The following NEDD1 variants were observed in gnomAD, a reference collection of about 807,000 sequenced individuals.
NEDD1 encodes the protein NEDD1 gamma-tubulin ring complex targeting factor, also known as protein NEDD1.
Under a neutral mutation model 74.0 loss-of-function variants are expected in NEDD1, and 33 were observed. The ratio of observed to expected loss-of-function variants is 0.45; its 90% CI spans 0.34 to 0.60. The LOEUF (loss-of-function observed/expected upper bound fraction) is 0.60, where lower values mean the gene tolerates loss of function less well. Among genes scored for constraint, NEDD1 ranks in the 20% least tolerant of loss-of-function variants. NEDD1 has a pLI of 0.01. For missense variants in NEDD1, 746 were observed against 776.5 expected, an observed-to-expected ratio of 0.96 and a Z score of 0.47; for synonymous variants, 250 against 264.4, an observed-to-expected ratio of 0.95 and a Z score of 0.53.
intron 6 of NEDD1, among the ~76,000 whole-genome samples, chr12:96,921,235 A>G (rs974937818): frequency 2.0e-5 from 3 of 152,148 alleles, no homozygotes; most frequent in African/African-American, 7.2e-5. Context: ...AGGCTAGAGT[A>G]TAGTGGCGCA....
intron 1 of NEDD1, 146 bp downstream of exon 1, chr12:96,907,446 G>A: frequency 6.9e-6 from 4 of 575,686 alleles, no homozygotes; most frequent in Non-Finnish European, 1.2e-5. Flanking sequence ...CTGGGCGGGG[G>A]CGCGGCGGCG....
intron 6 of NEDD1, among the ~76,000 whole-genome samples, chr12:96,924,162 T>G (rs942484496): frequency 2.6e-5 from 4 of 152,214 alleles, no homozygotes; most frequent in African/African-American, 7.2e-5. Context: ...AATGCCTTCT[T>G]GCAAAACTGG....
At chr12:96,932,463 A>ATATAT (rs1555203252) in intron 6 of NEDD1, among the ~76,000 whole-genome samples, 2 of 9,436 alleles carry the variant, frequency 2.1e-4, no homozygotes, top group African/African-American at 3.4e-4. Context: ...AAAAAAAAAA[A>ATATAT]ATATATATAT....
intron 6 of NEDD1, among the ~76,000 whole-genome samples, chr12:96,921,529 GTTTC>G (rs1875092762): frequency 2.0e-5 from 3 of 152,020 alleles, no homozygotes; most frequent in Admixed American, 2.0e-4. Flanking sequence ...ACCATGGCCT[GTTTC>G]TTTGTCCTCA....
At chr12:96,915,765 T>C (rs749055968) in intron 4 of NEDD1, among the ~76,000 whole-genome samples, 3 of 152,222 alleles carry the variant, frequency 2.0e-5, no homozygotes, top group Non-Finnish European at 2.9e-5. Flanking sequence ...TGACAACATC[T>C]GTATTTTAGC....
intron 7 of NEDD1, among the ~76,000 whole-genome samples, chr12:96,935,889 C>T (rs1193500060): frequency 6.6e-6 from 1 of 152,166 alleles, no homozygotes; most frequent in Non-Finnish European, 1.5e-5. Context: ...TTACCACTGT[C>T]TGTAGATCAT....
rs769170285 is a variant in NEDD1, at chr12:96,940,423, A to T, written c.1132A>T (p.Ile378Leu). ...VQEKAGLPRSINTDTLSKETD... is the reference protein window; with the variant it reads ...VQEKAGLPRSLNTDTLSKETD... ...ATTCCTATAAGGTTTGCCTCGAAGC[A>T]TAAACACAGACACTTTATCTAAGGA... Residue 378 changes from isoleucine (I) to leucine (L), a missense_variant, in exon 10 of 16, where the codon ATA (isoleucine) becomes TTA (leucine). This residue lies in a region of NEDD1 where 706 missense variants were observed against 706.7 expected (regional missense o/e 1.00). Coordinates refer to ENST00000266742, the MANE Select transcript of NEDD1 (RefSeq NM_152905.4). 1 of 1,594,270 alleles carries T rather than the reference A, an allele frequency of 6.3e-7. No homozygotes were observed. The highest frequency in any genetic ancestry group is 8.6e-7 in the Non-Finnish European group (1 of 1,164,180).
chr12:96,935,191 C>G lies in NEDD1; in HGVS notation c.705C>G (p.Asp235Glu), dbSNP rs1417335034. Residue 235 changes from aspartate to glutamate, a missense_variant, in exon 7 of 16, where the codon GAC (aspartate) becomes GAG (glutamate). Physicochemically the swap from Asp to Glu is conservative, Grantham distance 45. Around this residue, in one of 3 missense-constraint regions of NEDD1, gnomAD observed 706 missense variants for 706.7 expected, o/e 1.00. Transcript: ENST00000266742. ...IGLDKRIILY[D>E]TSSKKLVKTL... ...TGGATAAAAGAATCATCCTCTATGA[C>G]ACTTCAAGTAAGAAGTAAGTGTGAC... is the stretch of plus-strand genomic sequence containing the variant. 1 of 1,570,538 alleles carries G rather than the reference C, an allele frequency of 6.4e-7. No individual in the cohort carries two copies.
At chr12:96,942,377 T>C (rs1477886286) in intron 10 of NEDD1, among the ~76,000 whole-genome samples, 200 bp from the exon 11 acceptor site, 1 of 152,110 alleles carries the variant, frequency 6.6e-6, no homozygotes, top group East Asian at 1.9e-4. Flanking sequence ...TATCTGTTCA[T>C]ATTTGCTGCT....
intron 9 of NEDD1, among the ~76,000 whole-genome samples, chr12:96,938,404 CT>C (rs1240000773): frequency 3.3e-5 from 5 of 151,932 alleles, no homozygotes; most frequent in Non-Finnish European, 7.4e-5. Flanking sequence ...GTTGAATTAA[CT>C]ATATTATGAA....
In NEDD1 at chr12:96,944,676, A is replaced by C; in HGVS notation, c.1535A>C (p.Asn512Thr). The change falls in exon 13 of 16, where the codon AAT (asparagine) becomes ACT (threonine). Residue 512 changes from asparagine to threonine, a missense_variant. By Grantham distance (65) the Asn-to-Thr change is moderately conservative (BLOSUM62 0). Coordinates refer to ENST00000266742, the MANE Select transcript of NEDD1 (RefSeq NM_152905.4). ...KLVTSGAESG[N>T]LNTSPSSNQT... is the part of the protein sequence containing the mutation. ...GTCACATCTGGTGCTGAAAGTGGAA[A>C]TCTAAATACCTCTCCATCATCTAAC... 1 of 1,601,734 alleles carries C rather than the reference A, an allele frequency of 6.2e-7. No homozygotes were observed. Among genetic ancestry groups the C allele is most frequent in the Non-Finnish European group, 8.5e-7 (1 of 1,173,082 alleles).
intron 10 of NEDD1, among the ~76,000 whole-genome samples, chr12:96,942,059 A>G (rs776080840): frequency 6.6e-6 from 1 of 152,182 alleles, no homozygotes; most frequent in Non-Finnish European, 1.5e-5. Context: ...TGAATATTAC[A>G]GGATTAAAAT....
At chr12:96,914,667 T>G (rs1444541504) in intron 4 of NEDD1, among the ~76,000 whole-genome samples, 7 of 152,168 alleles carry the variant, frequency 4.6e-5, no homozygotes, top group Non-Finnish European at 1.0e-4. Flanking sequence ...GAAAATAAAT[T>G]ATGATCTTAC....
intron 5 of NEDD1, 41 bp downstream of exon 5, chr12:96,917,778 C>G: frequency 1.3e-6 from 2 of 1,523,952 alleles, no homozygotes; most frequent in Non-Finnish European, 1.7e-6. Context: ...AAATGGATAT[C>G]TTAATGCATT....
chr12:96,907,981 G>A, intron 2 of NEDD1, 125 bp downstream of exon 2: 1 of 742,520 alleles, frequency 1.3e-6, no homozygotes, highest in Non-Finnish European at 1.8e-6. Flanking sequence ...TCTGAGCCCA[G>A]GCCTCAGTGA....
At chr12:96,930,551 T>TG (rs996043541) in intron 6 of NEDD1, among the ~76,000 whole-genome samples, 3 of 152,022 alleles carry the variant, frequency 2.0e-5, no homozygotes, top group East Asian at 1.9e-4. Context: ...GGGTTTTTAT[T>TG]GGGGGGGCTG....
intron 14 of NEDD1, among the ~76,000 whole-genome samples, chr12:96,950,673 A>T (rs986333952): frequency 2.0e-5 from 3 of 151,920 alleles, no homozygotes; most frequent in African/African-American, 7.2e-5. Context: ...CAAATGTATT[A>T]AAAAAGCAAA....
chr12:96,951,111 TA>T (rs1878665381), intron 14 of NEDD1, among the ~76,000 whole-genome samples: 1 of 151,876 alleles, frequency 6.6e-6, no homozygotes, highest in Admixed American at 6.6e-5. Context: ...AGCCTGGGTT[TA>T]CATCCTAGCT....
chr12:96,921,134 T>C (rs1875035567), intron 6 of NEDD1, among the ~76,000 whole-genome samples: 1 of 152,182 alleles, frequency 6.6e-6, no homozygotes. Context: ...ACTGGCCTCT[T>C]TGCCAATTAT....
Sources: gnomAD v4.1 joint callset for allele counts (sites outside exome capture counted in the v4.1 genomes callset) on GRCh38, gnomAD v4.1.1 for gene constraint, gnomAD v4.1.1 regional missense constraint, MANE v1.5 for transcripts, NCBI Gene and HGNC (gene_info 2026-07-23, HGNC 2026-07-21) for gene names.